The following ASIP variants were observed in gnomAD, a reference collection of about 807,000 sequenced individuals.
ASIP encodes agouti-signaling protein.
A neutral mutation model predicts 10.3 loss-of-function variants in ASIP; 11 were observed. The observed-to-expected ratio is 1.07, with a 90% CI of 0.68 to 1.78. ASIP has a LOEUF of 1.78. ASIP is among the 40% of genes most tolerant of loss of function. The pLI is 0.00. For synonymous variants in ASIP, 70 were observed against 70.8 expected, an observed-to-expected ratio of 0.99 and a Z score of 0.06; for missense variants, 180 against 169.2, an observed-to-expected ratio of 1.06 and a Z score of -0.35.
chr20:34,267,459 C>CAAAA (rs953440256), intron 3 of ASIP, among the ~76,000 whole-genome samples: 7,167 of 46,042 alleles, frequency 0.16, 762 homozygotes, highest in East Asian at 0.22. Flanking sequence ...AACTGGCTCT[C>CAAAA]AAAAAAAAAA....
upstream of ASIP, among the ~76,000 whole-genome samples, chr20:34,193,024 C>T (rs2034834177): frequency 6.6e-6 from 1 of 152,168 alleles, no homozygotes; most frequent in Non-Finnish European, 1.5e-5. Flanking sequence ...CCCTTTTGTG[C>T]TACCCAACAC....
intron 1 of ASIP, among the ~76,000 whole-genome samples, chr20:34,211,651 G>A (rs562314275): frequency 6.6e-6 from 1 of 152,114 alleles, no homozygotes; most frequent in South Asian, 2.1e-4. Context: ...CTTCATTTAC[G>A]AAAAAATGTT....
intron 1 of ASIP, among the ~76,000 whole-genome samples, chr20:34,212,987 T>C (rs1302983997): frequency 6.6e-6 from 1 of 152,208 alleles, no homozygotes. Flanking sequence ...GACATACTAC[T>C]ATAAGCAAGA....
At chr20:34,255,746 C>T (rs569380525) in intron 1 of ASIP, among the ~76,000 whole-genome samples, 26 of 152,294 alleles carry the variant, frequency 1.7e-4, no homozygotes, top group Admixed American at 3.9e-4. Context: ...CCCTCTGTTA[C>T]GCCCGGACAG....
At chr20:34,268,404 G>A (rs1415347423) in intron 3 of ASIP, among the ~76,000 whole-genome samples, 1 of 152,070 alleles carries the variant, frequency 6.6e-6, no homozygotes, top group Non-Finnish European at 1.5e-5. Context: ...GAAAGTTCAT[G>A]TTTCATTTTA....
intron 1 of ASIP, chr20:34,214,065 T>C: frequency 8.0e-7 from 1 of 1,246,542 alleles, no homozygotes; most frequent in Non-Finnish European, 1.2e-6. Flanking sequence ...CAATCATCAC[T>C]CCAACTGTCT....
At chr20:34,223,921 C>A (rs1176864120) in intron 1 of ASIP, among the ~76,000 whole-genome samples, 1 of 101,822 alleles carries the variant, frequency 9.8e-6, no homozygotes, top group Non-Finnish European at 2.0e-5. Context: ...GACCTTACCC[C>A]CAACCCTGTG....
intron 3 of ASIP, among the ~76,000 whole-genome samples, chr20:34,267,177 G>A (rs147321418): frequency 7.9e-5 from 12 of 152,250 alleles, no homozygotes; most frequent in Non-Finnish European, 1.5e-4. Context: ...GTCTCATGGA[G>A]TTTACATTCT....
At position 34,251,383 on chromosome 20, in the gene ASIP, G is replaced by A. The variant is rs556713239; in HGVS notation, c.-10-8982G>A. ...CCTCCCCGGTTCACACCATTCTCCTGCCTCAGCCTCCCAGGTAGCTGGGAC... is the reference window on the plus strand; with the variant it reads ...CCTCCCCGGTTCACACCATTCTCCTACCTCAGCCTCCCAGGTAGCTGGGAC... On this transcript the variant is annotated intron_variant, in intron 1 of 3. Coordinates refer to ENST00000374954, the MANE Select transcript of ASIP (RefSeq NM_001672.3). Among the ~76,000 whole-genome samples the A allele has an allele frequency of 4.6e-5, 7 of 151,754 alleles. No individual in the cohort carries two copies. The East Asian group carries it at 1.4e-3, about 29-fold the overall frequency.
chr20:34,258,873 CTATA>C (rs546363209), intron 1 of ASIP, among the ~76,000 whole-genome samples: 1 of 99,700 alleles, frequency 1.0e-5, no homozygotes, highest in Non-Finnish European at 1.7e-5. Flanking sequence ...ATATATAATA[CTATA>C]TATATAGTAT....
At position 34,262,812 on chromosome 20, in the gene ASIP, C is replaced by T. The variant is rs1601615479; in HGVS notation, c.161-20C>T. ...GTCCCCAGAAACATCTGACTTTGCT[C>T]CTTTTGTCTCTCTTTGAAGCGCTGA... On this transcript the variant is annotated intron_variant, in intron 2 of 3. Coordinates refer to ENST00000374954, the MANE Select transcript of ASIP (RefSeq NM_001672.3). 2 of 1,613,722 alleles carry T rather than the reference C, an allele frequency of 1.2e-6. No individual in the cohort carries two copies. Among genetic ancestry groups the T allele is most frequent in the East Asian group, 2.2e-5 (1 of 44,878 alleles).
rs77433280 is a variant in ASIP, at chr20:34,262,547, G to A, written c.161-285G>A. Among the ~76,000 whole-genome samples, 72 of 152,322 alleles carry A rather than the reference G, an allele frequency of 4.7e-4. 1 individual carries two copies. Among genetic ancestry groups the A allele is most frequent in the Middle Eastern group, 6.8e-3 (2 of 294 alleles). On this transcript the variant is annotated intron_variant, in intron 2 of 3. Transcript: ENST00000374954. The stretch of plus-strand genomic sequence containing the variant: ...TGAGTGGCCCAAGCTCACTTAGGTC[G>A]AGGGACCAGGCCCCACAAGAGTGTC...
chr20:34,193,822 G>C (rs1042738846), upstream of ASIP, among the ~76,000 whole-genome samples: 21 of 152,208 alleles, frequency 1.4e-4, no homozygotes, highest in African/African-American at 5.1e-4. Context: ...TACTCTGTTA[G>C]AAAGGGAAAA....
chr20:34,246,066 C>T, intron 1 of ASIP: 5 of 883,388 alleles, frequency 5.7e-6, no homozygotes, highest in Non-Finnish European at 9.4e-6. Flanking sequence ...TTTCATCCTC[C>T]CCATTACTGA....
intron 1 of ASIP, among the ~76,000 whole-genome samples, chr20:34,211,196 G>A (rs6088430): frequency 1.3e-4 from 19 of 151,844 alleles, no homozygotes; most frequent in South Asian, 6.2e-4. Flanking sequence ...TGCCTGGCTC[G>A]ATTTTTATTT....
intron 3 of ASIP, among the ~76,000 whole-genome samples, chr20:34,264,845 GAGTGCAGTGGCACCAT>G (rs2035757732): frequency 7.0e-6 from 1 of 143,634 alleles, no homozygotes; most frequent in African/African-American, 2.6e-5. Flanking sequence ...ACTCAGGCTG[GAGTGCAGTGGCACCAT>G]CTCGGCTCAT....
intron 3 of ASIP, among the ~76,000 whole-genome samples, chr20:34,263,246 CTATT>C (rs1254685940): frequency 1.8e-4 from 28 of 152,324 alleles, no homozygotes; most frequent in Admixed American, 1.6e-3. Flanking sequence ...TGAGTTCCAC[CTATT>C]TATTTAACAT....
At chr20:34,207,611 T>C (rs1279754277) in intron 1 of ASIP, among the ~76,000 whole-genome samples, 2 of 152,208 alleles carry the variant, frequency 1.3e-5, no homozygotes, top group East Asian at 1.9e-4. Flanking sequence ...AGGACCAACA[T>C]CCTCAAGCAT....
intron 1 of ASIP, among the ~76,000 whole-genome samples, chr20:34,220,812 C>G (rs2035041385): frequency 6.6e-6 from 1 of 152,080 alleles, no homozygotes; most frequent in African/African-American, 2.4e-5. Flanking sequence ...AAGTCAATGA[C>G]TCATGATTGA....
Sources: gnomAD v4.1 joint callset for allele counts (sites outside exome capture counted in the v4.1 genomes callset) on GRCh38, gnomAD v4.1.1 for gene constraint, MANE v1.5 for transcripts, NCBI Gene and HGNC (gene_info 2026-07-23, HGNC 2026-07-21) for gene names.